The following WRN variants were observed in gnomAD, a reference collection of about 807,000 sequenced individuals.
WRN encodes the protein bifunctional 3'-5' exonuclease/ATP-dependent helicase WRN.
WRN carries 149 observed loss-of-function variants against 180.7 expected under a neutral mutation model. The ratio of observed to expected loss-of-function variants is 0.82; its 90% CI spans 0.72 to 0.94. The LOEUF (loss-of-function observed/expected upper bound fraction) is 0.94. WRN is among the 40% of genes least tolerant of loss of function. WRN has a pLI of 0.00. For synonymous variants in WRN, 548 were observed against 568.9 expected (o/e 0.96, Z 0.52); for missense variants, 1,661 against 1,700.1 (o/e 0.98, Z 0.40).
At position 31,175,427 on chromosome 8, in the gene WRN, C is replaced by G. The variant is rs1029379490; in HGVS notation, c.*2325C>G. Among the ~76,000 whole-genome samples the G allele has an allele frequency of 1.3e-5, 2 of 152,106 alleles. No individual in the cohort carries two copies. Among genetic ancestry groups the G allele is most frequent in the African/African-American group, 4.8e-5 (2 of 41,412 alleles). On this transcript the variant is annotated 3_prime_UTR_variant, in exon 35 of 35. Transcript: ENST00000298139. Reference sequence around the variant, plus strand: ...CCCAGCCTGGCGACAGAGCAAGACTCCGTCTCAAAAATAAAAAAAGAAATC... The same window carrying G: ...CCCAGCCTGGCGACAGAGCAAGACTGCGTCTCAAAAATAAAAAAAGAAATC...
At chr8:31,047,602 G>A (rs1284398346) in intron 1 of WRN, among the ~76,000 whole-genome samples, 1 of 152,058 alleles carries the variant, frequency 6.6e-6, no homozygotes, top group Non-Finnish European at 1.5e-5. Flanking sequence ...AAGGGTCTAG[G>A]GTGGAACGGA....
chr8:31,089,191 C>T lies in WRN; in HGVS notation c.1652+226C>T, dbSNP rs531780942. 7.9e-5 allele frequency among the ~76,000 whole-genome samples: 12 copies of T among 152,122 alleles called. No individual in the cohort carries two copies. In the South Asian group the frequency reaches 2.5e-3, roughly 32 times the overall value. On this transcript the variant is annotated intron_variant, in intron 13 of 34. Transcript: ENST00000298139. ...GTGAGGAAAAATGGTTTTCCTTTAACTGAGCAGTTCTGAGTAGAAACTAGT... is the reference window on the plus strand; with the variant it reads ...GTGAGGAAAAATGGTTTTCCTTTAATTGAGCAGTTCTGAGTAGAAACTAGT...
At chr8:31,130,208 A>C (rs1010812025) in intron 23 of WRN, among the ~76,000 whole-genome samples, 6 of 151,998 alleles carry the variant, frequency 3.9e-5, no homozygotes, top group African/African-American at 1.4e-4. Flanking sequence ...GCAACATTGA[A>C]TAGTACTTTG....
intron 1 of WRN, among the ~76,000 whole-genome samples, chr8:31,057,440 G>A (rs1251163889): frequency 1.3e-5 from 2 of 151,974 alleles, no homozygotes; most frequent in Non-Finnish European, 2.9e-5. Context: ...GCTTGGTGGC[G>A]GGCGCCTGTA....
intron 33 of WRN, among the ~76,000 whole-genome samples, chr8:31,160,260 C>G (rs1803560268): frequency 6.6e-6 from 1 of 152,162 alleles, no homozygotes; most frequent in Non-Finnish European, 1.5e-5. Context: ...GAGTATTTAT[C>G]TGTGTGATAC....
intron 16 of WRN, among the ~76,000 whole-genome samples, chr8:31,095,774 T>C (rs951839551): frequency 6.6e-5 from 10 of 152,240 alleles, no homozygotes; most frequent in Non-Finnish European, 8.8e-5. Context: ...TCTTGATTAC[T>C]GTAGCTTTAT....
intron 18 of WRN, among the ~76,000 whole-genome samples, chr8:31,101,222 C>A (rs1416495961): frequency 2.0e-5 from 3 of 152,008 alleles, no homozygotes; most frequent in Non-Finnish European, 4.4e-5. Flanking sequence ...ATCACATATT[C>A]CTCTCTCTGT....
chr8:31,093,221 T>G (rs1046309505), intron 16 of WRN, among the ~76,000 whole-genome samples: 3 of 152,202 alleles, frequency 2.0e-5, no homozygotes, highest in Non-Finnish European at 4.4e-5. Context: ...GAGACACATA[T>G]AAGTCTTTGT....
At chr8:31,097,098 G>T (rs1025948432) in intron 17 of WRN, among the ~76,000 whole-genome samples, 6 of 152,000 alleles carry the variant, frequency 3.9e-5, no homozygotes, top group African/African-American at 1.5e-4. Flanking sequence ...CTTCTGCTAG[G>T]CTATAAACTT....
In WRN at chr8:31,088,160, A is replaced by G. The variant is rs17847586; in HGVS notation, c.1576+240A>G. Among the ~76,000 whole-genome samples the G allele has an allele frequency of 8.5e-5, 13 of 152,242 alleles. No individual in the cohort carries two copies. In the East Asian group the frequency reaches 2.5e-3, roughly 29 times the overall value. ...AATATCTTTCCCTTTGTTTTTTTGT[A>G]TTTCTCCAAATCATTATAGCTCTCA... On this transcript the variant is annotated intron_variant, in intron 12 of 34. Transcript: ENST00000298139.
At chr8:31,042,685 G>A (rs1811704366) in intron 1 of WRN, among the ~76,000 whole-genome samples, 1 of 152,106 alleles carries the variant, frequency 6.6e-6, no homozygotes, top group Non-Finnish European at 1.5e-5. Flanking sequence ...ACCTTTTGGG[G>A]TTAGCATACT....
At chr8:31,034,556 G>A (rs1390504461) in intron 1 of WRN, among the ~76,000 whole-genome samples, 1 of 152,122 alleles carries the variant, frequency 6.6e-6, no homozygotes, top group Non-Finnish European at 1.5e-5. Context: ...TTTCTTTTTA[G>A]GGGTGGGATA....
chr8:31,039,406 T>A (rs1359500703), intron 1 of WRN, among the ~76,000 whole-genome samples: 1 of 152,202 alleles, frequency 6.6e-6, no homozygotes, highest in African/African-American at 2.4e-5. Context: ...TATTTCAACG[T>A]TGATGTTGTA....
chr8:31,157,557 C>T, intron 33 of WRN, 27 bp downstream of exon 33: 3 of 1,613,386 alleles, frequency 1.9e-6, no homozygotes, highest in South Asian at 1.1e-5. Flanking sequence ...AGCTCTGCAC[C>T]CTTAATGACT....
chr8:31,094,750 T>C (rs1477614591), intron 16 of WRN, among the ~76,000 whole-genome samples: 4 of 152,232 alleles, frequency 2.6e-5, no homozygotes, highest in Admixed American at 6.5e-5. Flanking sequence ...TTATATGGCC[T>C]TTTGTGTCTG....
At chr8:31,058,618 CTTGTAAACTTCAAGTCA>C in intron 2 of WRN, 75 bp downstream of exon 2, 1 of 1,453,326 alleles carries the variant, frequency 6.9e-7, no homozygotes. Context: ...TCAGTTGTTA[CTTGTAAACTTCAAGTCA>C]TTGTTTAGGT....
chr8:31,084,555 A>G (rs983786955), intron 10 of WRN, among the ~76,000 whole-genome samples: 3 of 151,380 alleles, frequency 2.0e-5, no homozygotes, highest in African/African-American at 7.3e-5. Context: ...TTTTCTTTCT[A>G]TGGATTTTTG....
Position 31,141,297 on chromosome 8 carries a change from G to A in WRN, c.2968-133G>A. 7 of 1,057,990 alleles carry A rather than the reference G, an allele frequency of 6.6e-6. No homozygotes were observed. In the South Asian group the frequency reaches 8.7e-5, roughly 13 times the overall value. 65.5% of individuals were successfully genotyped at this position (1,057,990 alleles called of 1,614,324 possible). On this transcript the variant is annotated intron_variant, in intron 24 of 34. Transcript: ENST00000298139. ...GGAGTGTTCAGAATGAGCACGATGG[G>A]TATAACATTTTTGTAGGTTTTTAAA...
Position 31,088,970 on chromosome 8 carries a change from G to C in WRN, c.1652+5G>C, listed in dbSNP as rs377547394. ...TGGCCATTCCAGTTTTAAACCGTGA[G>C]TATAATCTCATTTAATCAAATCACA... On this transcript the variant is annotated splice_donor_5th_base_variant and intron_variant, in intron 13 of 34. Transcript: ENST00000298139. 5.0e-6 allele frequency: 8 copies of C among 1,607,202 alleles called. No homozygotes were observed. In the African/African-American group the frequency reaches 1.1e-4, roughly 22 times the overall value.
Sources: gnomAD v4.1 joint callset for allele counts (sites outside exome capture counted in the v4.1 genomes callset) on GRCh38, gnomAD v4.1.1 for gene constraint, MANE v1.5 for transcripts, NCBI Gene and HGNC (gene_info 2026-07-23, HGNC 2026-07-21) for gene names.